FBXO25: variants seen among roughly 807,000 people sequenced by gnomAD.
FBXO25 encodes F-box only protein 25.
A neutral mutation model predicts 51.9 loss-of-function variants in FBXO25; 45 were observed. The ratio of observed to expected loss-of-function variants is 0.87; its 90% confidence interval spans 0.68 to 1.11. FBXO25 has a LOEUF of 1.11. FBXO25 is among the 50% of genes most tolerant of loss of function. The pLI is 0.00. For synonymous variants in FBXO25, 199 were observed against 151.0 expected, an observed-to-expected ratio of 1.32 and a Z score of -2.33; for missense variants, 507 against 428.5, an observed-to-expected ratio of 1.18 and a Z score of -1.62.
rs752591305 is a variant in FBXO25 at position 413,253 on chromosome 8, T to G, written c.134+40T>G. The G allele has an allele frequency of 4.2e-5, 63 of 1,517,898 alleles. No individual in the cohort carries two copies. In the Admixed American group the frequency reaches 9.2e-4, roughly 22 times the overall value. The allele number at this position is 1,517,898 out of a possible 1,614,324, so 94.0% of individuals were successfully genotyped here. A position where few individuals can be genotyped will look rare whatever the true frequency, so the allele number is the denominator to read the frequency against. On this transcript the variant is annotated intron_variant, in intron 2 of 9. Transcript: ENST00000350302. The stretch of plus-strand genomic sequence containing the variant: ...AGCAGAACCATGCCATTTGCCAGTT[T>G]AGCATGTATGGCCTTACCTATTTTT...
At chr8:450,112 C>G (rs777538570) in intron 6 of FBXO25, 29 bp downstream of exon 6, 7 of 1,502,818 alleles carry the variant, frequency 4.7e-6, no homozygotes, top group Non-Finnish European at 6.4e-6. Context: ...TTTTAATACT[C>G]TAAATCTTAA....
rs183878804 is a variant in FBXO25, at chr8:418,619, C to T, written c.134+5406C>T. On this transcript the variant is annotated intron_variant, in intron 2 of 9. Coordinates refer to ENST00000350302, the MANE Select transcript of FBXO25 (RefSeq NM_183420.2). ...CCTCCCAAAGTGCTGGGATTACATGCGTGAGCCACCGTTCCCGGCTTGTTT... is the reference window on the plus strand; with the variant it reads ...CCTCCCAAAGTGCTGGGATTACATGTGTGAGCCACCGTTCCCGGCTTGTTT... Among the ~76,000 whole-genome samples, 222 of 152,226 alleles carry T rather than the reference C, an allele frequency of 1.5e-3. 1 individual carries two copies. The highest frequency in any genetic ancestry group is 5.2e-3 in the African/African-American group (215 of 41,554).
intron 2 of FBXO25, among the ~76,000 whole-genome samples, chr8:425,465 C>T (rs1479175216): frequency 1.3e-5 from 2 of 151,252 alleles, no homozygotes; most frequent in East Asian, 3.9e-4. Context: ...ATCTTGAGAG[C>T]CAGCTTTTGG....
At chr8:438,846 C>T (rs1798250431) in intron 5 of FBXO25, among the ~76,000 whole-genome samples, 1 of 152,214 alleles carries the variant, frequency 6.6e-6, no homozygotes, top group Non-Finnish European at 1.5e-5. Context: ...GGCCTCACCG[C>T]CCCCATCATG....
At position 471,021 on chromosome 8, in the gene FBXO25, A is replaced by G. The variant is rs1372393132; in HGVS notation, c.*2217A>G. On this transcript the variant is annotated 3_prime_UTR_variant, in exon 10 of 10. Transcript: ENST00000350302. ...TGTCATTTAATTGTTAGATGTTATA[A>G]CAGTTCTCAGCTGTGCTATCAAATC... is the stretch of plus-strand genomic sequence containing the variant. 1 of 152,196 alleles carries G rather than the reference A, an allele frequency of 6.6e-6. No homozygotes were observed. Among genetic ancestry groups the G allele is most frequent in the Non-Finnish European group, 1.5e-5 (1 of 68,042 alleles). The allele number at this position is 152,196 out of a possible 1,614,324, so 9.4% of individuals were successfully genotyped here.
chr8:421,002 C>T (rs956142229), intron 2 of FBXO25, among the ~76,000 whole-genome samples: 4 of 152,194 alleles, frequency 2.6e-5, no homozygotes, highest in Admixed American at 2.0e-4. Context: ...TCCCATAATC[C>T]AGGGGTCCCC....
Position 450,179 on chromosome 8 carries a change from A to G in FBXO25, c.475+96A>G, listed in dbSNP as rs1171798440. On this transcript the variant is annotated intron_variant, in intron 6 of 9. Transcript: ENST00000350302. ...TCTTTTATCTTTACCCAGTACACAT[A>G]CTGTCAAAAACAATTGTGTAAATAA... 2 of 715,374 alleles carry G rather than the reference A, an allele frequency of 2.8e-6. 1 individual carries two copies. The highest frequency in any genetic ancestry group is 4.3e-5 in the South Asian group (2 of 46,772). The allele number at this position is 715,374 out of a possible 1,614,324, so 44.3% of individuals were successfully genotyped here.
intron 2 of FBXO25, among the ~76,000 whole-genome samples, chr8:415,766 C>G (rs1450937206): frequency 6.6e-6 from 1 of 152,118 alleles, no homozygotes; most frequent in African/African-American, 2.4e-5. Flanking sequence ...AGTGTTTCTG[C>G]CACTCAGTTT....
rs1312867205 is a variant in FBXO25 at position 435,676 on chromosome 8, A to G, written c.350A>G (p.Gln117Arg). 2 of 1,599,746 alleles carry G rather than the reference A, an allele frequency of 1.3e-6. No individual in the cohort carries two copies. The highest frequency in any genetic ancestry group is 1.3e-5 in the African/African-American group (1 of 74,154). ...FNRLDFSSAIQDIRRFNYVVK... is the reference protein window; with the variant it reads ...FNRLDFSSAIRDIRRFNYVVK... Reference sequence around the variant, plus strand: ...CGGTTAGACTTCTCAAGTGCAATTCAAGATATCCGAAGGTTCAATTATGTG... The same window carrying G: ...CGGTTAGACTTCTCAAGTGCAATTCGAGATATCCGAAGGTTCAATTATGTG... Residue 117 changes from glutamine to arginine, a missense_variant, in exon 5 of 10, where the codon CAA becomes CGA. By Grantham distance (43) the Gln-to-Arg change is conservative. Transcript: ENST00000350302.
intron 4 of FBXO25, among the ~76,000 whole-genome samples, chr8:433,969 A>G (rs902083060): frequency 6.6e-6 from 1 of 152,234 alleles, no homozygotes; most frequent in African/African-American, 2.4e-5. Context: ...AGTGCTCGTG[A>G]AAGACCATTA....
chr8:474,064 T>C lies in FBXO25; in HGVS notation c.*5260T>C, dbSNP rs1375397722. 1 of 152,316 alleles carries C rather than the reference T, an allele frequency of 6.6e-6. No homozygotes were observed. The highest frequency in any genetic ancestry group is 1.5e-5 in the Non-Finnish European group (1 of 68,142). The allele number at this position is 152,316 out of a possible 1,614,324, so 9.4% of individuals were successfully genotyped here. ...AGTTCAACTTTACAAGATGAACTTTTGTCATCTTGTAAAACTGAAGCTCTG... is the reference window on the plus strand; with the variant it reads ...AGTTCAACTTTACAAGATGAACTTTCGTCATCTTGTAAAACTGAAGCTCTG... On this transcript the variant is annotated 3_prime_UTR_variant, in exon 10 of 10. Coordinates refer to ENST00000350302, the MANE Select transcript of FBXO25 (RefSeq NM_183420.2).
Position 473,791 on chromosome 8 carries a change from G to C in FBXO25, c.*4987G>C, listed in dbSNP as rs1800559219. On this transcript the variant is annotated 3_prime_UTR_variant, in exon 10 of 10. Coordinates refer to ENST00000350302, the MANE Select transcript of FBXO25 (RefSeq NM_183420.2). Reference sequence around the variant, plus strand: ...ATGAGGACATCTGTGTCAAATAGAAGAGACACCTCAACTGTCTCGTTTTTG... The same window carrying C: ...ATGAGGACATCTGTGTCAAATAGAACAGACACCTCAACTGTCTCGTTTTTG... 1 of 152,246 alleles carries C rather than the reference G, an allele frequency of 6.6e-6. No individual in the cohort carries two copies. Among genetic ancestry groups the C allele is most frequent in the East Asian group, 1.9e-4 (1 of 5,176 alleles). 9.4% of individuals were successfully genotyped at this position (152,246 alleles called of 1,614,324 possible). A position where few individuals can be genotyped will look rare whatever the true frequency, so the allele number is the denominator to read the frequency against.
chr8:430,656 T>C (rs1797771200), intron 2 of FBXO25, among the ~76,000 whole-genome samples: 2 of 152,190 alleles, frequency 1.3e-5, no homozygotes, highest in Non-Finnish European at 1.5e-5. Context: ...AATAAAAATT[T>C]TACACAGCGT....
At chr8:455,354 G>T (rs911733444) in intron 7 of FBXO25, among the ~76,000 whole-genome samples, 1 of 152,192 alleles carries the variant, frequency 6.6e-6, no homozygotes, top group Non-Finnish European at 1.5e-5. Context: ...GAAATGGGAA[G>T]AATGAACTTG....
rs1370282436 is a variant in FBXO25 at position 470,488 on chromosome 8, TC to T, written c.*1687del. ...CTCCCACCTCACCCTCCAGTGATCC[TC>T]CCACCTCAGCCTCCCAAGCAGTCAG... is the stretch of plus-strand genomic sequence containing the variant. On this transcript the variant is annotated 3_prime_UTR_variant, in exon 10 of 10. Coordinates refer to ENST00000350302, the MANE Select transcript of FBXO25 (RefSeq NM_183420.2). 2 of 142,286 alleles carry T rather than the reference TC, an allele frequency of 1.4e-5. No individual in the cohort carries two copies. The highest frequency in any genetic ancestry group is 5.1e-5 in the African/African-American group (2 of 39,542). 8.8% of individuals were successfully genotyped at this position (142,286 alleles called of 1,614,324 possible). A position where few individuals can be genotyped will look rare whatever the true frequency, so the allele number is the denominator to read the frequency against.
intron 7 of FBXO25, among the ~76,000 whole-genome samples, chr8:453,860 C>T (rs1724980830): frequency 6.6e-6 from 1 of 152,106 alleles, no homozygotes; most frequent in African/African-American, 2.4e-5. Flanking sequence ...CGGTGGCCCA[C>T]ACCTGTAATC....
In FBXO25 at chr8:426,982, C is replaced by G. The variant is rs11996480; in HGVS notation, c.135-4359C>G. 9.9e-3 allele frequency among the ~76,000 whole-genome samples: 1,499 copies of G among 152,066 alleles called. 28 individuals are homozygous for G. Among genetic ancestry groups the G allele is most frequent in the African/African-American group, 0.034 (1,421 of 41,480 alleles). On this transcript the variant is annotated intron_variant, in intron 2 of 9. Coordinates refer to ENST00000350302, the MANE Select transcript of FBXO25 (RefSeq NM_183420.2). ...TATAAAATTGACTGGACTTTCTCTTCTGAATTTTCTTTTTATAATTAGAGA... is the reference window on the plus strand; with the variant it reads ...TATAAAATTGACTGGACTTTCTCTTGTGAATTTTCTTTTTATAATTAGAGA...
At chr8:443,201 C>A (rs1798534378) in intron 5 of FBXO25, among the ~76,000 whole-genome samples, 1 of 151,190 alleles carries the variant, frequency 6.6e-6, no homozygotes, top group African/African-American at 2.5e-5. Flanking sequence ...TTTGAGCACA[C>A]TGGGAATATA....
intron 5 of FBXO25, 104 bp downstream of exon 5, chr8:435,811 T>G: frequency 6.7e-7 from 1 of 1,484,814 alleles, no homozygotes; most frequent in Non-Finnish European, 9.0e-7. Flanking sequence ...AGCTTGAAGG[T>G]GTGCCTGTTT....
Sources: gnomAD v4.1 joint callset for allele counts (sites outside exome capture counted in the v4.1 genomes callset) on GRCh38, gnomAD v4.1.1 for gene constraint, MANE v1.5 for transcripts, NCBI Gene and HGNC (gene_info 2026-07-23, HGNC 2026-07-21) for gene names.